Variants in TIMP4 observed in about 807,000 individuals in gnomAD.
TIMP4 encodes metalloproteinase inhibitor 4.
In TIMP4, 28 loss-of-function variants were observed where a neutral mutation model predicts 27.3. The observed-to-expected ratio is 1.03, with a 90% CI of 0.76 to 1.41. The LOEUF (loss-of-function observed/expected upper bound fraction) is 1.41, where lower values mean the gene tolerates loss of function less well. Among genes scored for constraint, TIMP4 ranks in the 40% most tolerant of loss-of-function variants. The pLI, the probability that TIMP4 is intolerant of heterozygous loss-of-function variation, is 0.00. For synonymous variants in TIMP4, 138 were observed against 115.5 expected, an observed-to-expected ratio of 1.20 and a Z score of -1.25; for missense variants, 307 against 285.5, an observed-to-expected ratio of 1.08 and a Z score of -0.54.
rs185255150 is a variant in TIMP4 at position 12,154,387 on chromosome 3, G to A, written c.417C>T (p.Asp139=). 6.4e-5 allele frequency: 104 copies of A among 1,614,196 alleles called. No homozygotes were observed. The Admixed American group carries it at 1.7e-3, about 27-fold the overall frequency. The change falls in exon 4 of 5, where the codon GAC becomes GAT. Residue 139 remains aspartate (D), a synonymous_variant. Coordinates refer to ENST00000287814, the MANE Select transcript of TIMP4 (RefSeq NM_003256.4). Reference sequence around the variant, plus strand: ...GACTTTCCCTCTGCACCAAGGACAGGTCCTCCCAGGGCTCGATGTAGTTGC... The same window carrying A: ...GACTTTCCCTCTGCACCAAGGACAGATCCTCCCAGGGCTCGATGTAGTTGC... ...HLCNYIEPWE[D]LSLVQRESLN...
Position 12,153,602 on chromosome 3 carries a change from G to GAAA in TIMP4, c.587_588insTTT (p.Val196_Cys197insPhe). On this transcript the variant is annotated inframe_insertion, in exon 5 of 5. Transcript: ENST00000287814. Reference sequence around the variant, plus strand: ...AGGTGCCGTCAACATGCTTCATACAGACATAATGCTGAGCCTGGTAACCAT... The same window carrying GAAA: ...AGGTGCCGTCAACATGCTTCATACAGAAAACATAATGCTGAGCCTGGTAACCAT... The GAAA allele has an allele frequency of 6.2e-7, 1 of 1,614,068 alleles. No individual in the cohort carries two copies. Among genetic ancestry groups the GAAA allele is most frequent in the Non-Finnish European group, 8.5e-7 (1 of 1,180,018 alleles).
chr3:12,155,823 G>T (rs1221366164), intron 3 of TIMP4, among the ~76,000 whole-genome samples: 1 of 152,206 alleles, frequency 6.6e-6, no homozygotes, highest in African/African-American at 2.4e-5. Flanking sequence ...GAGGGCAGGT[G>T]CTTAGGAAGG....
Position 12,158,896 on chromosome 3 carries a change from CA to C in TIMP4, c.-57del. ...GGTCTGGGGGACTGGACGGCCCCAG[CA>C]GGGCTCCTTCCCAAGGCCGTTGTGC... On this transcript the variant is annotated 5_prime_UTR_variant, in exon 1 of 5. Transcript: ENST00000287814. 1 of 1,466,226 alleles carries C rather than the reference CA, an allele frequency of 6.8e-7. No homozygotes were observed. Among genetic ancestry groups the C allele is most frequent in the East Asian group, 2.5e-5 (1 of 39,380 alleles). 90.8% of individuals were successfully genotyped at this position (1,466,226 alleles called of 1,614,324 possible).
At chr3:12,157,280 G>T in intron 2 of TIMP4, 105 bp downstream of exon 2, 5 of 1,032,898 alleles carry the variant, frequency 4.8e-6, no homozygotes, top group South Asian at 4.2e-5. Context: ...TAGACCCAAG[G>T]ATTACTGAGC....
intron 2 of TIMP4, 92 bp from the exon 3 acceptor site, chr3:12,157,026 A>C: frequency 1.1e-6 from 1 of 918,506 alleles, no homozygotes. Flanking sequence ...CAGCCTAAAA[A>C]TGTAAGCAAA....
intron 2 of TIMP4, among the ~76,000 whole-genome samples, 193 bp from the exon 3 acceptor site, chr3:12,157,127 C>T (rs922167006): frequency 3.3e-5 from 5 of 152,162 alleles, no homozygotes; most frequent in Non-Finnish European, 7.3e-5. Context: ...ACACCTAAAC[C>T]TTGGTTTATT....
intron 3 of TIMP4, among the ~76,000 whole-genome samples, chr3:12,154,707 G>C (rs1305848912): frequency 6.6e-6 from 1 of 152,218 alleles, no homozygotes; most frequent in Non-Finnish European, 1.5e-5. Context: ...ACAGAGAGAA[G>C]AATGTGGTCT....
Position 12,154,323 on chromosome 3 carries a change from T to G in TIMP4, c.477+4A>C. 1 of 1,614,216 alleles carries G rather than the reference T, an allele frequency of 6.2e-7. No individual in the cohort carries two copies. The highest frequency in any genetic ancestry group is 1.3e-5 in the African/African-American group (1 of 75,062). On this transcript the variant is annotated splice_donor_region_variant and intron_variant, in intron 4 of 4. Transcript: ENST00000287814. Reference sequence around the variant, plus strand: ...AAAGACTTTGGAAATGGACATTCCCTTACTTGGCAGCCACAGTTCAGATGG... The same window carrying G: ...AAAGACTTTGGAAATGGACATTCCCGTACTTGGCAGCCACAGTTCAGATGG...
At position 12,156,886 on chromosome 3, in the gene TIMP4, G is replaced by T; in HGVS notation, c.286C>A (p.Pro96Thr). 6.2e-7 allele frequency: 1 copy of T among 1,614,114 alleles called. No homozygotes were observed. Among genetic ancestry groups the T allele is most frequent in the South Asian group, 1.1e-5 (1 of 91,084 alleles). ...KVKDVQYIYT[P>T]FDSSLCGVKL... ...ACACCACAGAGGGAAGAGTCAAAAGGCGTATAGATATACTGAACATCCTTG... is the reference window on the plus strand; with the variant it reads ...ACACCACAGAGGGAAGAGTCAAAAGTCGTATAGATATACTGAACATCCTTG... Residue 96 changes from proline to threonine, a missense_variant, in exon 3 of 5, where the codon CCT becomes ACT. Physicochemically the swap from Pro to Thr is conservative, Grantham distance 38. Transcript: ENST00000287814.
intron 3 of TIMP4, among the ~76,000 whole-genome samples, chr3:12,155,693 TA>T (rs1697434553): frequency 6.6e-6 from 1 of 152,202 alleles, no homozygotes; most frequent in South Asian, 2.1e-4. Flanking sequence ...TAACTTTTCT[TA>T]GACTATTTTT....
chr3:12,153,503 C>T lies in TIMP4; in HGVS notation c.*12G>A. On this transcript the variant is annotated 3_prime_UTR_variant, in exon 5 of 5. Coordinates refer to ENST00000287814, the MANE Select transcript of TIMP4 (RefSeq NM_003256.4). ...AGGACTCTTGAAGGGATGTGATGGTCACTGGTCCCTACTAGGGCTGAACGA... is the reference window on the plus strand; with the variant it reads ...AGGACTCTTGAAGGGATGTGATGGTTACTGGTCCCTACTAGGGCTGAACGA... 1 of 1,612,684 alleles carries T rather than the reference C, an allele frequency of 6.2e-7. No homozygotes were observed. The highest frequency in any genetic ancestry group is 8.5e-7 in the Non-Finnish European group (1 of 1,179,962).
chr3:12,156,959 C>T (rs1379681782), intron 2 of TIMP4, 25 bp from the exon 3 acceptor site: 1 of 1,549,312 alleles, frequency 6.5e-7, no homozygotes, highest in East Asian at 2.2e-5. Flanking sequence ...CAAAAAAAGG[C>T]AATATTGGGT....
chr3:12,154,375 C>T lies in TIMP4; in HGVS notation c.429G>A (p.Val143=). ...YIEPWEDLSL[V]QRESLNHHYH... is the part of the protein sequence containing the mutation. ...AGTGATGATTCAGACTTTCCCTCTG[C>T]ACCAAGGACAGGTCCTCCCAGGGCT... The change falls in exon 4 of 5, where the codon GTG becomes GTA. Residue 143 remains valine, a synonymous_variant. Coordinates refer to ENST00000287814, the MANE Select transcript of TIMP4 (RefSeq NM_003256.4). The T allele has an allele frequency of 6.2e-6, 10 of 1,614,206 alleles. No individual in the cohort carries two copies. Among genetic ancestry groups the T allele is most frequent in the Non-Finnish European group, 7.6e-6 (9 of 1,180,038 alleles).
intron 1 of TIMP4, 35 bp from the exon 2 acceptor site, chr3:12,157,517 G>T (rs371769294): frequency 2.5e-6 from 4 of 1,595,366 alleles, no homozygotes; most frequent in Admixed American, 1.7e-5. Flanking sequence ...ACCTTCAGCA[G>T]CTGGTGGGGG....
chr3:12,157,259 A>T, intron 2 of TIMP4, 126 bp downstream of exon 2: 1 of 837,178 alleles, frequency 1.2e-6, no homozygotes. Context: ...ATCCAGTTCC[A>T]CTTCAGTATC....
At chr3:12,154,751 T>G (rs1697407329) in intron 3 of TIMP4, among the ~76,000 whole-genome samples, 1 of 152,184 alleles carries the variant, frequency 6.6e-6, no homozygotes, top group South Asian at 2.1e-4. Context: ...TCCCCCTTTC[T>G]TTTCTGTCAT....
At chr3:12,156,471 A>G (rs1175073098) in intron 3 of TIMP4, among the ~76,000 whole-genome samples, 1 of 152,246 alleles carries the variant, frequency 6.6e-6, no homozygotes, top group Non-Finnish European at 1.5e-5. Context: ...GTTGACCTGC[A>G]AGGAGCAGTT....
chr3:12,153,400 A>G lies in TIMP4; in HGVS notation c.*115T>C, dbSNP rs1697360905. On this transcript the variant is annotated 3_prime_UTR_variant, in exon 5 of 5. Transcript: ENST00000287814. ...ACAGTGGCCAGACTGTCCACTTGGC[A>G]CTTCTTATTAGCTGGCAGCAAGAGG... 1 of 1,236,272 alleles carries G rather than the reference A, an allele frequency of 8.1e-7. No individual in the cohort carries two copies. The highest frequency in any genetic ancestry group is 1.2e-6 in the Non-Finnish European group (1 of 847,448). The allele number at this position is 1,236,272 out of a possible 1,614,324, so 76.6% of individuals were successfully genotyped here.
chr3:12,153,615 G>A lies in TIMP4; in HGVS notation c.575C>T (p.Ala192Val). The change falls in exon 5 of 5, where the codon GCT becomes GTT. Residue 192 changes from alanine (A) to valine (V), a missense_variant. Coordinates refer to ENST00000287814, the MANE Select transcript of TIMP4 (RefSeq NM_003256.4). Reference protein sequence around the residue: ...LLERKLYGYQAQHYVCMKHVD... With the variant: ...LLERKLYGYQVQHYVCMKHVD... ...ATGCTTCATACAGACATAATGCTGA[G>A]CCTGGTAACCATAGAGCTTTCGTTC... is the stretch of plus-strand genomic sequence containing the variant. 2 of 1,614,210 alleles carry A rather than the reference G, an allele frequency of 1.2e-6. No homozygotes were observed. The highest frequency in any genetic ancestry group is 1.7e-6 in the Non-Finnish European group (2 of 1,180,032).
Sources: allele counts gnomAD v4.1 joint callset (sites outside exome capture counted in the v4.1 genomes callset), GRCh38; gene constraint gnomAD v4.1.1; transcripts MANE v1.5; gene names NCBI Gene and HGNC (gene_info 2026-07-23, HGNC 2026-07-21).